GRK3: variants seen among roughly 807,000 people sequenced by gnomAD.
The protein encoded by GRK3 is G protein-coupled receptor kinase 3.
A neutral mutation model predicts 95.7 loss-of-function variants in GRK3; 54 were observed. The ratio of observed to expected loss-of-function variants is 0.56; its 90% CI spans 0.45 to 0.71. GRK3 has a LOEUF of 0.71. GRK3 is among the 30% of genes least tolerant of loss of function. GRK3 has a pLI of 0.00. For synonymous variants in GRK3, 281 were observed against 290.8 expected, an observed-to-expected ratio of 0.97 and a Z score of 0.34; for missense variants, 649 against 851.2, an observed-to-expected ratio of 0.76 and a Z score of 2.96.
chr22:25,597,901 A>T (rs2084383074), intron 1 of GRK3, among the ~76,000 whole-genome samples: 1 of 152,226 alleles, frequency 6.6e-6, no homozygotes, highest in South Asian at 2.1e-4. Context: ...TAAAGGCAAA[A>T]CAAAGACTTT....
chr22:25,592,352 G>A (rs1002269220), intron 1 of GRK3, among the ~76,000 whole-genome samples: 5 of 152,130 alleles, frequency 3.3e-5, no homozygotes, highest in Non-Finnish European at 5.9e-5. Flanking sequence ...GAGCTTTAAA[G>A]CGTCTTTATT....
chr22:25,656,673 C>G (rs1427185182), intron 3 of GRK3, among the ~76,000 whole-genome samples: 2 of 152,132 alleles, frequency 1.3e-5, no homozygotes, highest in Non-Finnish European at 2.9e-5. Flanking sequence ...AGACACTGTT[C>G]AGATGAACAG....
intron 3 of GRK3, among the ~76,000 whole-genome samples, chr22:25,655,512 T>C (rs767659790): frequency 2.0e-5 from 3 of 152,228 alleles, no homozygotes; most frequent in Non-Finnish European, 4.4e-5. Flanking sequence ...CTGTGATGGC[T>C]GACTCCTCTG....
In GRK3 at chr22:25,726,687, T is replaced by C. The variant is rs2085476733; in HGVS notation, c.*4237T>C. 1 of 152,210 alleles carries C rather than the reference T, an allele frequency of 6.6e-6. No homozygotes were observed. Among genetic ancestry groups the C allele is most frequent in the Non-Finnish European group, 1.5e-5 (1 of 68,034 alleles). 9.4% of individuals were successfully genotyped at this position (152,210 alleles called of 1,614,324 possible). A position where few individuals can be genotyped will look rare whatever the true frequency, so the allele number is the denominator to read the frequency against. ...TAACTGAGTTAAAATAGGTGAAGTT[T>C]CTTTTTTCCCCCCTGTAACAGGAGA... On this transcript the variant is annotated 3_prime_UTR_variant, in exon 21 of 21. Transcript: ENST00000324198.
At chr22:25,612,657 GT>G (rs1252333504) in intron 2 of GRK3, among the ~76,000 whole-genome samples, 3 of 151,846 alleles carry the variant, frequency 2.0e-5, no homozygotes, top group Middle Eastern at 3.2e-3. Context: ...TTTCTTAAAT[GT>G]TTTTTAAGTT....
chr22:25,716,805 C>T lies in GRK3; in HGVS notation c.1655-1440C>T, dbSNP rs141496627. Among the ~76,000 whole-genome samples, 219 of 152,336 alleles carry T rather than the reference C, an allele frequency of 1.4e-3. 1 individual carries two copies. The highest frequency in any genetic ancestry group is 4.9e-3 in the African/African-American group (203 of 41,566). Reference sequence around the variant, plus strand: ...CCCAGTGGGGAGGCCAGTTAGGAACCGGGCTGCACAGCAGGAGATCAGTGC... The same window carrying T: ...CCCAGTGGGGAGGCCAGTTAGGAACTGGGCTGCACAGCAGGAGATCAGTGC... On this transcript the variant is annotated intron_variant, in intron 18 of 20. Coordinates refer to ENST00000324198, the MANE Select transcript of GRK3 (RefSeq NM_005160.4).
chr22:25,665,353 A>G (rs2084934889), intron 5 of GRK3, among the ~76,000 whole-genome samples: 1 of 152,220 alleles, frequency 6.6e-6, no homozygotes, highest in Admixed American at 6.5e-5. Flanking sequence ...CTTATGGTCA[A>G]TTACATTTAA....
intron 2 of GRK3, among the ~76,000 whole-genome samples, chr22:25,606,060 C>T (rs577026188): frequency 4.6e-5 from 7 of 152,194 alleles, no homozygotes; most frequent in Admixed American, 2.6e-4. Flanking sequence ...TTTTCCATAG[C>T]CTGGATTAAA....
chr22:25,726,133 A>G lies in GRK3; in HGVS notation c.*3683A>G, dbSNP rs1447576513. 3.3e-5 allele frequency: 5 copies of G among 152,236 alleles called. No individual in the cohort carries two copies. Among genetic ancestry groups the G allele is most frequent in the Admixed American group, 1.3e-4 (2 of 15,278 alleles). 9.4% of individuals were successfully genotyped at this position (152,236 alleles called of 1,614,324 possible). ...CGACTGTTTGAAGGCCACACTGGTC[A>G]TCTACAAAGTAATGTTTACCAATTG... On this transcript the variant is annotated 3_prime_UTR_variant, in exon 21 of 21. Transcript: ENST00000324198.
At chr22:25,648,474 G>A in intron 3 of GRK3, 1 of 1,366,866 alleles carries the variant, frequency 7.3e-7, no homozygotes, top group Non-Finnish European at 1.0e-6. Context: ...TTTTGGCAAA[G>A]TGTGGATGGG....
intron 2 of GRK3, among the ~76,000 whole-genome samples, chr22:25,619,254 G>GATAACAGTTAAT (rs2084562554): frequency 1.3e-5 from 2 of 152,126 alleles, no homozygotes; most frequent in South Asian, 4.1e-4. Flanking sequence ...TTTGGGTCAT[G>GATAACAGTTAAT]ATAACAGTTA....
intron 7 of GRK3, among the ~76,000 whole-genome samples, chr22:25,672,563 CTTGT>C (rs1430258147): frequency 6.6e-6 from 1 of 152,142 alleles, no homozygotes; most frequent in African/African-American, 2.4e-5. Context: ...TGAGAATGTG[CTTGT>C]TTATGTAAGA....
Position 25,565,034 on chromosome 22 carries a change from C to T in GRK3, c.-7C>T, listed in dbSNP as rs755536380. ...AACCGCCGCCGCCGCCGCCAAAGCTCGCCAACATGGCGGACCTGGAGGCTG... is the reference window on the plus strand; with the variant it reads ...AACCGCCGCCGCCGCCGCCAAAGCTTGCCAACATGGCGGACCTGGAGGCTG... On this transcript the variant is annotated 5_prime_UTR_variant, in exon 1 of 21. Coordinates refer to ENST00000324198, the MANE Select transcript of GRK3 (RefSeq NM_005160.4). The T allele has an allele frequency of 2.8e-6, 4 of 1,444,494 alleles. No homozygotes were observed. Among genetic ancestry groups the T allele is most frequent in the Non-Finnish European group, 3.7e-6 (4 of 1,086,310 alleles). 89.5% of individuals were successfully genotyped at this position (1,444,494 alleles called of 1,614,324 possible).
chr22:25,714,188 A>G (rs963688327), intron 17 of GRK3, among the ~76,000 whole-genome samples: 1 of 152,214 alleles, frequency 6.6e-6, no homozygotes, highest in African/African-American at 2.4e-5. Context: ...CAGGACTGAA[A>G]GTGAAGTGCT....
In GRK3 at chr22:25,704,328, GA is replaced by G. The variant is rs67945810; in HGVS notation, c.1328+126del. ...AATCTTCCATTTTGACTTGAAAGGG[GA>G]AAAAAATAAATCACATGGGAAATAT... is the stretch of plus-strand genomic sequence containing the variant. On this transcript the variant is annotated intron_variant, in intron 15 of 20. Transcript: ENST00000324198. 974 of 681,100 alleles carry G rather than the reference GA, an allele frequency of 1.4e-3. 6 individuals are homozygous for G. In the African/African-American group the frequency reaches 0.016, roughly 11 times the overall value. The allele number at this position is 681,100 out of a possible 1,614,324, so 42.2% of individuals were successfully genotyped here. A position where few individuals can be genotyped will look rare whatever the true frequency, so the allele number is the denominator to read the frequency against.
rs3223258 is a variant in GRK3 at position 25,726,912 on chromosome 22, C to CGT, written c.*4506_*4507dup. The CGT allele has an allele frequency of 0.25, 34,525 of 137,688 alleles. 4,503 individuals carry two copies. The highest frequency in any genetic ancestry group is 0.36 in the East Asian group (1,581 of 4,392). 8.5% of individuals were successfully genotyped at this position (137,688 alleles called of 1,614,324 possible). On this transcript the variant is annotated 3_prime_UTR_variant, in exon 21 of 21. Coordinates refer to ENST00000324198, the MANE Select transcript of GRK3 (RefSeq NM_005160.4). ...TTACCAGGCCATCTCCAAAACACCC[C>CGT]GTGTGTGTGTGTGTGTGTGTGTGTG...
intron 2 of GRK3, among the ~76,000 whole-genome samples, chr22:25,618,366 C>T (rs1280081196): frequency 6.6e-6 from 1 of 152,198 alleles, no homozygotes; most frequent in Non-Finnish European, 1.5e-5. Context: ...CAATATATTG[C>T]TCTGGTGTCT....
At chr22:25,679,199 A>G (rs561786254) in intron 9 of GRK3, among the ~76,000 whole-genome samples, 2 of 152,208 alleles carry the variant, frequency 1.3e-5, no homozygotes, top group South Asian at 4.1e-4. Flanking sequence ...AGCCAGAAAA[A>G]TCACTGGAAT....
chr22:25,644,563 C>G, intron 2 of GRK3, 29 bp from the exon 3 acceptor site: 1 of 1,185,498 alleles, frequency 8.4e-7, no homozygotes. Context: ...TAATTGCCCA[C>G]CCTGAAATTT....
Sources: allele counts gnomAD v4.1 joint callset (sites outside exome capture counted in the v4.1 genomes callset), GRCh38; gene constraint gnomAD v4.1.1; transcripts MANE v1.5; gene names NCBI Gene and HGNC (gene_info 2026-07-23, HGNC 2026-07-21).